The following CCDC149 variants were observed in gnomAD, a reference collection of about 807,000 sequenced individuals.
The protein encoded by CCDC149 is coiled-coil domain containing 149, also known as coiled-coil domain-containing protein 149.
Under a neutral mutation model 59.9 loss-of-function variants are expected in CCDC149, and 45 were observed. The ratio of observed to expected loss-of-function variants is 0.75; its 90% CI spans 0.59 to 0.96. The LOEUF (loss-of-function observed/expected upper bound fraction) is 0.96, where lower values mean the gene tolerates loss of function less well. CCDC149 is among the 40% of genes least tolerant of loss of function. The probability of loss-of-function intolerance (pLI) is 0.00; values close to 1 mark genes in which losing one functional copy is unlikely to be tolerated. For synonymous variants in CCDC149, 245 were observed against 260.6 expected, an observed-to-expected ratio of 0.94 and a Z score of 0.58; for missense variants, 584 against 664.7, an observed-to-expected ratio of 0.88 and a Z score of 1.33.
At chr4:24,871,955 A>C (rs73250607) in intron 3 of CCDC149, among the ~76,000 whole-genome samples, 12,418 of 152,278 alleles carry the variant, frequency 0.082, 522 homozygotes, top group Middle Eastern at 0.11. Flanking sequence ...CTATCAAAAT[A>C]CCAATAGGAT....
At chr4:24,974,001 T>A (rs1254498945) in intron 1 of CCDC149, among the ~76,000 whole-genome samples, 1 of 152,222 alleles carries the variant, frequency 6.6e-6, no homozygotes, top group East Asian at 1.9e-4. Flanking sequence ...AGAGTCACGG[T>A]CAGTTGCGCC....
At chr4:24,826,818 G>C (rs960206074) in intron 9 of CCDC149, 3 of 152,254 alleles carry the variant, frequency 2.0e-5, no homozygotes, top group Admixed American at 1.3e-4. Context: ...ACTGGGCTGA[G>C]ACAGAAGCAG....
intron 9 of CCDC149, among the ~76,000 whole-genome samples, chr4:24,824,615 A>T (rs532316168): frequency 1.3e-5 from 2 of 152,196 alleles, no homozygotes; most frequent in Non-Finnish European, 2.9e-5. Flanking sequence ...TGCACAGTTT[A>T]TCTCAAAGTT....
At position 24,837,797 on chromosome 4, in the gene CCDC149, G is replaced by A. The variant is rs1449963244; in HGVS notation, c.489+359C>T. Among the ~76,000 whole-genome samples the A allele has an allele frequency of 1.3e-5, 2 of 152,218 alleles. No homozygotes were observed. The highest frequency in any genetic ancestry group is 2.9e-5 in the Non-Finnish European group (2 of 68,038). ...GGCTCTCTTAGTTGTTACCTAACTAGGGCTCTGCACTTGTTGAGATTTTGC... is the reference window on the plus strand; with the variant it reads ...GGCTCTCTTAGTTGTTACCTAACTAAGGCTCTGCACTTGTTGAGATTTTGC... On this transcript the variant is annotated intron_variant, in intron 5 of 12. Transcript: ENST00000635206. This position sits in a 1 kb window ranked among gnomAD's most constrained non-coding sequence, Gnocchi z 4.3.
intron 1 of CCDC149, among the ~76,000 whole-genome samples, chr4:24,931,518 C>A (rs1327987998): frequency 1.3e-5 from 2 of 151,458 alleles, no homozygotes; most frequent in African/African-American, 2.4e-5. Flanking sequence ...TTTCTAACAT[C>A]TTTAGCTGCA....
In CCDC149 at chr4:24,836,472, C is replaced by T. The variant is rs577068111; in HGVS notation, c.699G>A (p.Glu233=). The change falls in exon 7 of 13, where the codon GAG becomes GAA. Residue 233 remains glutamate (E), a synonymous_variant. Coordinates refer to ENST00000635206, the MANE Select transcript of CCDC149 (RefSeq NM_001330643.2). ...CAATGTTTGATTTCAAGAGGTTGACCTCTTCATGGAGTTGCTTTAATCTCT... is the reference window on the plus strand; with the variant it reads ...CAATGTTTGATTTCAAGAGGTTGACTTCTTCATGGAGTTGCTTTAATCTCT... 3.1e-6 allele frequency: 5 copies of T among 1,612,938 alleles called. No individual in the cohort carries two copies. The East Asian group carries it at 1.1e-4, about 36-fold the overall frequency.
intron 6 of CCDC149, 78 bp from the exon 7 acceptor site, chr4:24,836,586 C>A (rs1716542870): frequency 4.4e-6 from 4 of 899,260 alleles, no homozygotes; most frequent in Admixed American, 4.1e-5. Context: ...GGGGAAAAAA[C>A]AAAAACCACT....
intron 1 of CCDC149, among the ~76,000 whole-genome samples, chr4:24,904,627 T>C (rs1006392996): frequency 1.3e-5 from 2 of 152,310 alleles, no homozygotes; most frequent in South Asian, 4.2e-4. Context: ...CAGAAGTGAC[T>C]TTACTACTTT....
At chr4:24,818,131 C>T (rs898554473) in intron 12 of CCDC149, among the ~76,000 whole-genome samples, 7 of 152,040 alleles carry the variant, frequency 4.6e-5, no homozygotes, top group African/African-American at 1.7e-4. Context: ...AGTGATAGGT[C>T]CCAAGGTGTA....
chr4:24,928,621 C>T (rs778007931), intron 1 of CCDC149, among the ~76,000 whole-genome samples: 9 of 152,220 alleles, frequency 5.9e-5, no homozygotes, highest in Non-Finnish European at 1.0e-4. Flanking sequence ...TCCAATCACA[C>T]TCACCTGGCC....
chr4:24,868,017 T>C (rs997531769), intron 3 of CCDC149, among the ~76,000 whole-genome samples: 3 of 152,234 alleles, frequency 2.0e-5, no homozygotes, highest in Admixed American at 6.5e-5. Flanking sequence ...CTTGTTCCAG[T>C]GCCTTCCGCT....
chr4:24,937,732 A>G (rs918857640), intron 1 of CCDC149, among the ~76,000 whole-genome samples: 2 of 152,180 alleles, frequency 1.3e-5, no homozygotes, highest in African/African-American at 4.8e-5. Flanking sequence ...CATCACTTCT[A>G]TTCACACCTA....
intron 1 of CCDC149, among the ~76,000 whole-genome samples, chr4:24,979,345 G>T (rs1349629720): frequency 6.6e-6 from 1 of 152,184 alleles, no homozygotes; most frequent in East Asian, 1.9e-4. Context: ...TACAGGAAAT[G>T]TCTGCAAGTG....
At chr4:24,923,593 G>C (rs967876960) in intron 1 of CCDC149, among the ~76,000 whole-genome samples, 4 of 152,224 alleles carry the variant, frequency 2.6e-5, no homozygotes, top group Admixed American at 2.6e-4. Flanking sequence ...GGCTGAGAAG[G>C]AGTAGCACAG....
intron 6 of CCDC149, 100 bp from the exon 7 acceptor site, chr4:24,836,608 C>T: frequency 1.4e-6 from 1 of 722,846 alleles, no homozygotes; most frequent in Non-Finnish European, 2.4e-6. Context: ...GCCAGAAGAG[C>T]TATCTTTTAC....
upstream of CCDC149, among the ~76,000 whole-genome samples, chr4:24,913,109 C>A (rs1466185228): frequency 6.6e-6 from 1 of 150,604 alleles, no homozygotes. Context: ...CGCAGCCGAG[C>A]CCCGCCGGGC....
chr4:24,853,663 G>A (rs1295647279), intron 3 of CCDC149, among the ~76,000 whole-genome samples: 2 of 150,862 alleles, frequency 1.3e-5, no homozygotes, highest in African/African-American at 2.4e-5. Context: ...GAGTTCAATT[G>A]TAAAATTTGG....
rs545820696 is a variant in CCDC149 at position 24,906,186 on chromosome 4, C to T, written c.63+6631G>A. On this transcript the variant is annotated intron_variant, in intron 1 of 12. Coordinates refer to ENST00000635206, the MANE Select transcript of CCDC149 (RefSeq NM_001330643.2). ...TTTCTTACAGTGGCTTAGACTTTACCCTAACAAATACACCTTTATTTCTTA... is the reference window on the plus strand; with the variant it reads ...TTTCTTACAGTGGCTTAGACTTTACTCTAACAAATACACCTTTATTTCTTA... 4.6e-5 allele frequency among the ~76,000 whole-genome samples: 7 copies of T among 152,090 alleles called. No homozygotes were observed. In the South Asian group the frequency reaches 1.2e-3, roughly 27 times the overall value.
chr4:24,929,310 G>GT (rs1722520197), intron 1 of CCDC149, among the ~76,000 whole-genome samples: 1 of 152,108 alleles, frequency 6.6e-6, no homozygotes, highest in Non-Finnish European at 1.5e-5. Flanking sequence ...CATGAATCAT[G>GT]GTCTCCAGGA....
Sources: gnomAD v4.1 joint callset for allele counts (sites outside exome capture counted in the v4.1 genomes callset) on GRCh38, gnomAD v4.1.1 for gene constraint, Gnocchi (gnomAD v3.1) non-coding constraint, MANE v1.5 for transcripts, NCBI Gene and HGNC (gene_info 2026-07-23, HGNC 2026-07-21) for gene names.